DENND1A: variants seen among roughly 807,000 people sequenced by gnomAD.
The protein encoded by DENND1A is DENN domain containing 1A.
A neutral mutation model predicts 113.7 loss-of-function variants in DENND1A; 51 were observed. The ratio of observed to expected loss-of-function variants is 0.45; its 90% CI spans 0.36 to 0.57. The LOEUF (loss-of-function observed/expected upper bound fraction) is 0.57, where lower values mean the gene tolerates loss of function less well. Among genes scored for constraint, DENND1A ranks in the 20% least tolerant of loss-of-function variants. The pLI is 0.00. For missense variants in DENND1A, 1,258 were observed against 1,395.9 expected (o/e 0.90, Z 1.57); for synonymous variants, 565 against 570.8 (o/e 0.99, Z 0.14).
chr9:123,881,614 T>C (rs1363937633), intron 1 of DENND1A, among the ~76,000 whole-genome samples: 2 of 152,254 alleles, frequency 1.3e-5, no homozygotes, highest in African/African-American at 2.4e-5. Context: ...AATTTATTTT[T>C]ATGCATTTTA....
chr9:123,581,934 G>T (rs557902969), intron 12 of DENND1A, among the ~76,000 whole-genome samples: 1 of 152,358 alleles, frequency 6.6e-6, no homozygotes, highest in South Asian at 2.1e-4. Context: ...GACAAGGGGA[G>T]AATGGGTCTA....
At chr9:123,647,519 C>A (rs1422734167) in intron 9 of DENND1A, among the ~76,000 whole-genome samples, 1 of 152,208 alleles carries the variant, frequency 6.6e-6, no homozygotes, top group Non-Finnish European at 1.5e-5. Context: ...TCTTCCCAAA[C>A]CAGTCTTTTC....
At chr9:123,520,578 C>A (rs1164909033) in intron 13 of DENND1A, among the ~76,000 whole-genome samples, 3 of 152,238 alleles carry the variant, frequency 2.0e-5, no homozygotes, top group East Asian at 3.8e-4. Context: ...CTGATGCCTG[C>A]AGACTCAAGA....
intron 13 of DENND1A, among the ~76,000 whole-genome samples, chr9:123,538,339 T>C (rs1342401908): frequency 6.6e-6 from 1 of 152,220 alleles, no homozygotes; most frequent in Admixed American, 6.5e-5. Context: ...AGCATATGTT[T>C]CCTAGCTCTG....
Position 123,381,157 on chromosome 9 carries a change from G to A in DENND1A, c.*275C>T. 4.1e-6 allele frequency: 2 copies of A among 491,214 alleles called. No individual in the cohort carries two copies. Among genetic ancestry groups the A allele is most frequent in the Non-Finnish European group, 7.4e-6 (2 of 270,990 alleles). The allele number at this position is 491,214 out of a possible 1,614,324, so 30.4% of individuals were successfully genotyped here. A position where few individuals can be genotyped will look rare whatever the true frequency, so the allele number is the denominator to read the frequency against. ...ATCATTGGCCCAGCTGACCTCTTTA[G>A]TGCAAAACCCAATCAAGGGTGCCGA... On this transcript the variant is annotated 3_prime_UTR_variant, in exon 24 of 24. Transcript: ENST00000394215. The surrounding 1 kb of genome is among the most constrained non-coding windows in gnomAD (Gnocchi z 4.7).
intron 3 of DENND1A, among the ~76,000 whole-genome samples, chr9:123,775,439 G>A (rs944931382): frequency 1.3e-5 from 2 of 151,942 alleles, no homozygotes; most frequent in Non-Finnish European, 2.9e-5. Context: ...ACATACCAAA[G>A]GAATAGGGGT....
chr9:123,802,528 C>T (rs1363346392), intron 2 of DENND1A, among the ~76,000 whole-genome samples: 3 of 44 alleles, frequency 0.068, no homozygotes, highest in African/African-American at 0.2. Context: ...TCTACTCCTA[C>T]GGTCACACCC....
intron 19 of DENND1A, among the ~76,000 whole-genome samples, chr9:123,424,591 A>G (rs1481304312): frequency 6.6e-6 from 1 of 152,184 alleles, no homozygotes; most frequent in Non-Finnish European, 1.5e-5. Context: ...ATTTCTCTGA[A>G]TACAACCCTC....
chr9:123,672,709 T>C (rs1043678124), intron 6 of DENND1A, among the ~76,000 whole-genome samples: 2 of 152,230 alleles, frequency 1.3e-5, no homozygotes, highest in Non-Finnish European at 2.9e-5. Flanking sequence ...GAGTACCGCA[T>C]GGTATGACCC....
At chr9:123,592,905 A>G (rs1230385219) in intron 11 of DENND1A, among the ~76,000 whole-genome samples, 1 of 152,234 alleles carries the variant, frequency 6.6e-6, no homozygotes, top group East Asian at 1.9e-4. Flanking sequence ...TATTTTGGCA[A>G]TTAAATGAGT....
At chr9:123,917,900 G>A (rs1483753516) in intron 1 of DENND1A, among the ~76,000 whole-genome samples, 2 of 151,860 alleles carry the variant, frequency 1.3e-5, no homozygotes, top group Non-Finnish European at 2.9e-5. Flanking sequence ...CACAAGGTCA[G>A]GAGATCGAGA....
Position 123,433,282 on chromosome 9 carries a change from C to T in DENND1A, c.1488+7078G>A, listed in dbSNP as rs539051518. On this transcript the variant is annotated intron_variant, in intron 19 of 23. Transcript: ENST00000394215. ...CAGCTGAAACTTAAGTCCAGAACTG[C>T]CCGATTCTAAAACCTGTGCTTCATC... Among the ~76,000 whole-genome samples the T allele has an allele frequency of 1.2e-3, 189 of 152,278 alleles. 3 individuals are homozygous for T. Among genetic ancestry groups the T allele is most frequent in the Middle Eastern group, 6.8e-3 (2 of 294 alleles).
chr9:123,633,686 G>A (rs1301306019), intron 9 of DENND1A, among the ~76,000 whole-genome samples: 1 of 152,190 alleles, frequency 6.6e-6, no homozygotes, highest in African/African-American at 2.4e-5. Flanking sequence ...TGAGGCAGGA[G>A]AATTGCTTGA....
chr9:123,409,960 C>T (rs563129801), intron 20 of DENND1A, among the ~76,000 whole-genome samples: 159 of 152,218 alleles, frequency 1.0e-3, no homozygotes, highest in African/African-American at 3.7e-3. Context: ...TGCATGGTGG[C>T]GGGCACCTGT....
intron 1 of DENND1A, among the ~76,000 whole-genome samples, chr9:123,915,812 G>A (rs907522543): frequency 1.3e-5 from 2 of 152,100 alleles, no homozygotes; most frequent in African/African-American, 4.8e-5. Context: ...CTCTTATTAA[G>A]TATTTGATTC....
At chr9:123,817,256 C>T (rs1404690642) in intron 2 of DENND1A, among the ~76,000 whole-genome samples, 1 of 152,060 alleles carries the variant, frequency 6.6e-6, no homozygotes, top group African/African-American at 2.4e-5. Context: ...TGCTTTGAGC[C>T]CTATGAAAGA....
At chr9:123,758,885 C>T (rs2070797624) in intron 4 of DENND1A, among the ~76,000 whole-genome samples, 1 of 152,142 alleles carries the variant, frequency 6.6e-6, no homozygotes, top group Non-Finnish European at 1.5e-5. Context: ...ACTGCAACCT[C>T]CACCTCCCTG....
Position 123,425,611 on chromosome 9 carries a change from G to A in DENND1A, c.1489-13782C>T, listed in dbSNP as rs552208306. 1.9e-4 allele frequency among the ~76,000 whole-genome samples: 15 copies of A among 79,672 alleles called. No homozygotes were observed. In the Admixed American group the frequency reaches 2.1e-3, roughly 11 times the overall value. The allele number at this position is 79,672 out of a possible 152,430, so 52.3% of individuals were successfully genotyped here. A position where few individuals can be genotyped will look rare whatever the true frequency, so the allele number is the denominator to read the frequency against. On this transcript the variant is annotated intron_variant, in intron 19 of 23. Coordinates refer to ENST00000394215, the MANE Select transcript of DENND1A (RefSeq NM_001352964.2). Reference sequence around the variant, plus strand: ...CCTGCCCGCACTCATTCACCACTTGGTCATTCCCCAAACTCTCATGGGCAG... The same window carrying A: ...CCTGCCCGCACTCATTCACCACTTGATCATTCCCCAAACTCTCATGGGCAG...
At chr9:123,893,209 C>T (rs947555848) in intron 1 of DENND1A, among the ~76,000 whole-genome samples, 9 of 151,920 alleles carry the variant, frequency 5.9e-5, no homozygotes, top group Non-Finnish European at 1.0e-4. Flanking sequence ...AAGAAACTAA[C>T]GAACAGATCA....
Sources: gnomAD v4.1 joint callset for allele counts (sites outside exome capture counted in the v4.1 genomes callset) on GRCh38, gnomAD v4.1.1 for gene constraint, Gnocchi (gnomAD v3.1) non-coding constraint, MANE v1.5 for transcripts, NCBI Gene and HGNC (gene_info 2026-07-23, HGNC 2026-07-21) for gene names.